ARHGEF26: variants seen among roughly 807,000 people sequenced by gnomAD.
The protein encoded by ARHGEF26 is Rho guanine nucleotide exchange factor (GEF) 26.
ARHGEF26 carries 59 observed loss-of-function variants against 89.4 expected under a neutral mutation model. The observed-to-expected ratio is 0.66, with a 90% CI of 0.54 to 0.82. The LOEUF is 0.82. Ranked by LOEUF, ARHGEF26 falls within the 40% of genes least tolerant of loss-of-function variation. The probability of loss-of-function intolerance (pLI) is 0.00; values close to 1 mark genes in which losing one functional copy is unlikely to be tolerated. For missense variants in ARHGEF26, 1,234 were observed against 1,085.6 expected (o/e 1.14, Z -1.92); for synonymous variants, 500 against 428.4 (o/e 1.17, Z -2.06).
chr3:154,127,931 G>T (rs1718435636), intron 3 of ARHGEF26, among the ~76,000 whole-genome samples: 1 of 152,126 alleles, frequency 6.6e-6, no homozygotes, highest in Admixed American at 6.5e-5. Flanking sequence ...ATGCGTGACT[G>T]TATTATGTTT....
intron 11 of ARHGEF26, among the ~76,000 whole-genome samples, chr3:154,226,696 C>CACACA (rs3223632): frequency 3.4e-5 from 5 of 145,464 alleles, no homozygotes; most frequent in South Asian, 2.2e-4. Context: ...CACACACACA[C>CACACA]CCCTTCAGCT....
chr3:154,194,769 C>G, intron 9 of ARHGEF26, 51 bp downstream of exon 9: 1 of 1,481,202 alleles, frequency 6.8e-7, no homozygotes, highest in Non-Finnish European at 9.3e-7. Flanking sequence ...ATTCAGTTAG[C>G]TCAGACACAA....
chr3:154,188,893 G>A (rs1713764755), intron 7 of ARHGEF26, among the ~76,000 whole-genome samples: 2 of 152,154 alleles, frequency 1.3e-5, no homozygotes, highest in Admixed American at 6.5e-5. Context: ...ATAAAGCAGG[G>A]TTTGTTCGCA....
At chr3:154,173,856 A>G (rs986269289) in intron 6 of ARHGEF26, among the ~76,000 whole-genome samples, 6 of 152,324 alleles carry the variant, frequency 3.9e-5, no homozygotes, top group Admixed American at 3.9e-4. Context: ...TCTAAATAAA[A>G]CATAAATTTG....
chr3:154,200,113 A>G (rs1314238752), intron 9 of ARHGEF26, among the ~76,000 whole-genome samples: 1 of 151,810 alleles, frequency 6.6e-6, no homozygotes, highest in African/African-American at 2.4e-5. Context: ...GTTGTAGGGT[A>G]TTTTTCAAGG....
At chr3:154,192,189 T>C (rs1713995938) in intron 8 of ARHGEF26, among the ~76,000 whole-genome samples, 1 of 152,156 alleles carries the variant, frequency 6.6e-6, no homozygotes, top group African/African-American at 2.4e-5. Context: ...AATTAGAAAA[T>C]ATTTTGTTAT....
intron 6 of ARHGEF26, among the ~76,000 whole-genome samples, chr3:154,174,150 G>A (rs754898341): frequency 1.3e-5 from 2 of 152,180 alleles, no homozygotes; most frequent in Non-Finnish European, 2.9e-5. Context: ...GGATGGGTGT[G>A]AGATGGGTCT....
chr3:154,220,980 G>T (rs1008517098), intron 10 of ARHGEF26, among the ~76,000 whole-genome samples: 4 of 152,076 alleles, frequency 2.6e-5, no homozygotes, highest in Non-Finnish European at 5.9e-5. Context: ...AGACCCACTA[G>T]TCTACAAGCC....
intron 6 of ARHGEF26, among the ~76,000 whole-genome samples, chr3:154,174,030 T>C (rs1175681915): frequency 1.3e-5 from 2 of 152,210 alleles, no homozygotes; most frequent in African/African-American, 2.4e-5. Flanking sequence ...TTTAGTACTT[T>C]ATGTTATTTA....
intron 7 of ARHGEF26, among the ~76,000 whole-genome samples, chr3:154,188,686 C>T (rs1348288078): frequency 1.3e-5 from 2 of 152,146 alleles, no homozygotes; most frequent in Non-Finnish European, 2.9e-5. Context: ...CGGTCAACTT[C>T]TGTGCAATAT....
chr3:154,218,877 A>C (rs1006420827), intron 10 of ARHGEF26, among the ~76,000 whole-genome samples: 1 of 152,242 alleles, frequency 6.6e-6, no homozygotes, highest in Non-Finnish European at 1.5e-5. Context: ...TTGTCAGCAG[A>C]GTCACTTGGC....
At chr3:154,135,539 T>G (rs1055466728) in intron 4 of ARHGEF26, among the ~76,000 whole-genome samples, 2 of 152,176 alleles carry the variant, frequency 1.3e-5, no homozygotes, top group South Asian at 4.1e-4. Context: ...TTTTGACCCC[T>G]GGAGATTATC....
chr3:154,232,186 A>G (rs9844663), intron 11 of ARHGEF26, among the ~76,000 whole-genome samples: 29,827 of 151,982 alleles, frequency 0.2, 3,249 homozygotes, highest in South Asian at 0.36. Context: ...TTCAAGGACT[A>G]TGGGTTCAGA....
At chr3:154,163,963 A>G (rs1711824569) in intron 6 of ARHGEF26, among the ~76,000 whole-genome samples, 1 of 152,132 alleles carries the variant, frequency 6.6e-6, no homozygotes, top group South Asian at 2.1e-4. Flanking sequence ...CAAATAACAT[A>G]CACTACCCTC....
At position 154,143,286 on chromosome 3, in the gene ARHGEF26, G is replaced by A. The variant is rs182503611; in HGVS notation, c.1270-6103G>A. 2.2e-3 allele frequency among the ~76,000 whole-genome samples: 327 copies of A among 152,090 alleles called. 1 individual carries two copies. Among genetic ancestry groups the A allele is most frequent in the Non-Finnish European group, 3.4e-3 (232 of 67,988 alleles). On this transcript the variant is annotated intron_variant, in intron 4 of 14. Transcript: ENST00000465093. ...AATATATAGAAGGATTGTCTTTTAC[G>A]CAAAAATCAATAATGTAGTAATAGT...
chr3:154,254,650 TG>T, intron 13 of ARHGEF26, 69 bp from the exon 14 acceptor site: 1 of 1,159,152 alleles, frequency 8.6e-7, no homozygotes, highest in South Asian at 1.3e-5. Context: ...AATAAGTAAG[TG>T]TACATTATTG....
intron 4 of ARHGEF26, among the ~76,000 whole-genome samples, chr3:154,147,895 T>G (rs1028691481): frequency 6.6e-6 from 1 of 152,156 alleles, no homozygotes; most frequent in East Asian, 1.9e-4. Flanking sequence ...TTCTTTGCTC[T>G]CTCTCAGTCT....
intron 4 of ARHGEF26, among the ~76,000 whole-genome samples, chr3:154,138,775 C>T (rs1317617521): frequency 2.0e-5 from 3 of 152,170 alleles, no homozygotes; most frequent in African/African-American, 7.2e-5. Flanking sequence ...TTGATGAATT[C>T]ATTGTCTTCA....
intron 9 of ARHGEF26, among the ~76,000 whole-genome samples, chr3:154,208,814 G>T (rs1272263779): frequency 7.2e-6 from 1 of 139,048 alleles, no homozygotes. Context: ...CACCCAGGCT[G>T]GAGTACAGTG....
Sources: allele counts gnomAD v4.1 joint callset (sites outside exome capture counted in the v4.1 genomes callset), GRCh38; gene constraint gnomAD v4.1.1; transcripts MANE v1.5; gene names NCBI Gene and HGNC (gene_info 2026-07-23, HGNC 2026-07-21).